PRRC2C: variants seen among roughly 807,000 people sequenced by gnomAD.
The protein encoded by PRRC2C is protein PRRC2C.
Under a neutral mutation model 317.2 loss-of-function variants are expected in PRRC2C, and 72 were observed. That is an observed-to-expected ratio of 0.23 (90% CI 0.19 to 0.28). The LOEUF (loss-of-function observed/expected upper bound fraction) is 0.28, where lower values mean the gene tolerates loss of function less well. PRRC2C is among the 10% of genes least tolerant of loss of function. The pLI is 1.00. For missense variants in PRRC2C, 3,074 were observed against 3,459.7 expected, an observed-to-expected ratio of 0.89 and a Z score of 2.80; for synonymous variants, 1,296 against 1,205.9, an observed-to-expected ratio of 1.07 and a Z score of -1.55.
chr1:171,488,400 A>G (rs964999786), intron 1 of PRRC2C, among the ~76,000 whole-genome samples: 1 of 152,240 alleles, frequency 6.6e-6, no homozygotes, highest in Non-Finnish European at 1.5e-5. Context: ...TGTTAGTTTT[A>G]TGAGTAATAA....
At chr1:171,537,519 A>T (rs772051209) in intron 15 of PRRC2C, 46 bp downstream of exon 15, 2 of 1,490,946 alleles carry the variant, frequency 1.3e-6, no homozygotes, top group African/African-American at 1.4e-5. Flanking sequence ...ATATTTTGGT[A>T]AAAGGAAAAC....
intron 31 of PRRC2C, 37 bp from the exon 32 acceptor site, chr1:171,587,611 T>G (rs1432400216): frequency 2.1e-6 from 3 of 1,416,884 alleles, no homozygotes; most frequent in Non-Finnish European, 3.0e-6. Context: ...CTTGTGGAAT[T>G]AAAGAAATGT....
At chr1:171,499,585 C>G (rs1400740373) in intron 1 of PRRC2C, among the ~76,000 whole-genome samples, 1 of 152,164 alleles carries the variant, frequency 6.6e-6, no homozygotes, top group Non-Finnish European at 1.5e-5. Flanking sequence ...AGGTGGATCA[C>G]TTGAGGTCGG....
chr1:171,575,900 C>G, intron 25 of PRRC2C, among the ~76,000 whole-genome samples: 1 of 152,164 alleles, frequency 6.6e-6, no homozygotes, highest in Middle Eastern at 3.2e-3. Context: ...ATATAAATTA[C>G]TTTGTTTGAC....
chr1:171,511,269 G>A (rs1201440465), intron 1 of PRRC2C: 1 of 152,164 alleles, frequency 6.6e-6, no homozygotes, highest in African/African-American at 2.4e-5. Flanking sequence ...AATAGCATGA[G>A]ACATAATTTT....
intron 10 of PRRC2C, 65 bp downstream of exon 10, chr1:171,525,030 A>G: frequency 7.7e-7 from 1 of 1,296,796 alleles, no homozygotes; most frequent in Non-Finnish European, 1.0e-6. Context: ...ACTGTGTAAT[A>G]CTATGGATAA....
intron 16 of PRRC2C, among the ~76,000 whole-genome samples, chr1:171,542,531 T>TC (rs1286982305): frequency 2.0e-5 from 3 of 152,200 alleles, no homozygotes; most frequent in Non-Finnish European, 4.4e-5. Flanking sequence ...TGGTAAGTTA[T>TC]CTGATGAGTA....
Position 171,566,356 on chromosome 1 carries a change from A to G in PRRC2C, c.6241A>G (p.Lys2081Glu), listed in dbSNP as rs1444919578. ...TGTGCTTTCGGAAAAATCTGCTGAC[A>G]AAATACCTGAACCTAAAGAACAGCG... Reference protein sequence around the residue: ...VPVLSEKSADKIPEPKEQRQK... With the variant: ...VPVLSEKSADEIPEPKEQRQK... Residue 2081 changes from lysine to glutamate, a missense_variant, in exon 21 of 35, where the codon AAA (lysine) becomes GAA (glutamate). Transcript: ENST00000647382. The G allele has an allele frequency of 5.0e-6, 8 of 1,597,560 alleles. No homozygotes were observed. The highest frequency in any genetic ancestry group is 6.8e-6 in the Non-Finnish European group (8 of 1,171,746).
chr1:171,498,875 C>T lies in PRRC2C; in HGVS notation c.-58+13140C>T, dbSNP rs6673521. On this transcript the variant is annotated intron_variant, in intron 1 of 34. Transcript: ENST00000647382. ...TTGCCCAGCAGTTGCGATCATCGCTCACTGCAGCCTGGAACTCCTGGGTTC... is the reference window on the plus strand; with the variant it reads ...TTGCCCAGCAGTTGCGATCATCGCTTACTGCAGCCTGGAACTCCTGGGTTC... 2.8e-3 allele frequency among the ~76,000 whole-genome samples: 430 copies of T among 152,288 alleles called. 1 individual carries two copies. The highest frequency in any genetic ancestry group is 1.0e-2 in the African/African-American group (415 of 41,556).
intron 5 of PRRC2C, among the ~76,000 whole-genome samples, chr1:171,516,201 G>A (rs533953968): frequency 2.0e-5 from 3 of 152,274 alleles, no homozygotes; most frequent in Non-Finnish European, 2.9e-5. Flanking sequence ...ACTTACTACT[G>A]TATTAATATT....
At chr1:171,581,485 T>C (rs572683688) in intron 28 of PRRC2C, among the ~76,000 whole-genome samples, 6 of 152,216 alleles carry the variant, frequency 3.9e-5, no homozygotes, top group Non-Finnish European at 5.9e-5. Context: ...TTGGAAGATA[T>C]ACTTTTTAAG....
At chr1:171,520,810 T>TC (rs1673405664) in intron 6 of PRRC2C, among the ~76,000 whole-genome samples, 1 of 148,292 alleles carries the variant, frequency 6.7e-6, no homozygotes, top group Non-Finnish European at 1.5e-5. Context: ...TTTTTTTTTT[T>TC]TTTTTTTTTA....
intron 18 of PRRC2C, 90 bp downstream of exon 18, chr1:171,550,330 G>A (rs958840383): frequency 6.6e-5 from 80 of 1,204,014 alleles, no homozygotes; most frequent in Non-Finnish European, 8.7e-5. Flanking sequence ...TACTTGTCAA[G>A]GCTGTTTTCA....
chr1:171,548,112 C>T (rs1349879219), intron 17 of PRRC2C, among the ~76,000 whole-genome samples: 1 of 152,034 alleles, frequency 6.6e-6, no homozygotes, highest in Admixed American at 6.6e-5. Flanking sequence ...ACTACAGGCG[C>T]GCACCACTAT....
chr1:171,502,865 A>G (rs1280542977), intron 1 of PRRC2C, among the ~76,000 whole-genome samples: 1 of 152,098 alleles, frequency 6.6e-6, no homozygotes, highest in Non-Finnish European at 1.5e-5. Flanking sequence ...CTGGGATTAC[A>G]GGCATGCACC....
chr1:171,580,645 T>TTTTTG (rs757111638), intron 28 of PRRC2C, among the ~76,000 whole-genome samples: 1 of 152,170 alleles, frequency 6.6e-6, no homozygotes, highest in South Asian at 2.1e-4. Flanking sequence ...GGTGAGGCTT[T>TTTTTG]TTTTGTTTTG....
intron 20 of PRRC2C, among the ~76,000 whole-genome samples, chr1:171,564,515 A>G (rs541748507): frequency 1.3e-5 from 2 of 152,356 alleles, no homozygotes; most frequent in East Asian, 1.9e-4. Context: ...AACATTGACT[A>G]AAGCAAAGAA....
rs369422202 is a variant in PRRC2C, at chr1:171,587,260, T to G, written c.7968+39T>G. The G allele has an allele frequency of 5.9e-5, 90 of 1,520,604 alleles. 1 individual carries two copies. In the African/African-American group the frequency reaches 1.1e-3, roughly 19 times the overall value. 94.2% of individuals were successfully genotyped at this position (1,520,604 alleles called of 1,614,324 possible). A position where few individuals can be genotyped will look rare whatever the true frequency, so the allele number is the denominator to read the frequency against. On this transcript the variant is annotated intron_variant, in intron 31 of 34. Coordinates refer to ENST00000647382, the MANE Select transcript of PRRC2C (RefSeq NM_001387844.1). ...CATTTGCACAGGTTATTTGAGAATT[T>G]AAGGTAGTGTGTTCAGATATATGCA...
rs935626722 is a variant in PRRC2C, at chr1:171,491,870, T to G, written c.-58+6135T>G. Among the ~76,000 whole-genome samples the G allele has an allele frequency of 2.6e-5, 4 of 152,186 alleles. No individual in the cohort carries two copies. In the East Asian group the frequency reaches 7.7e-4, roughly 29 times the overall value. ...TTGGGGTTTAAATTAAAATTTAGAT[T>G]TTTGGTCATGTGGCTGGTAGTTTTA... On this transcript the variant is annotated intron_variant, in intron 1 of 34. Coordinates refer to ENST00000647382, the MANE Select transcript of PRRC2C (RefSeq NM_001387844.1).
Sources: allele counts gnomAD v4.1 joint callset (sites outside exome capture counted in the v4.1 genomes callset), GRCh38; gene constraint gnomAD v4.1.1; transcripts MANE v1.5; gene names NCBI Gene and HGNC (gene_info 2026-07-23, HGNC 2026-07-21).